The following RBFOX1 variants were observed in gnomAD, a reference collection of about 807,000 sequenced individuals.
RBFOX1 encodes the protein RNA binding protein fox-1 homolog 1.
RBFOX1 carries 8 observed loss-of-function variants against 57.7 expected under a neutral mutation model. The observed-to-expected ratio is 0.14, with a 90% CI of 0.08 to 0.25. The LOEUF (loss-of-function observed/expected upper bound fraction) is 0.25, where lower values mean the gene tolerates loss of function less well. Among genes scored for constraint, RBFOX1 ranks in the 10% least tolerant of loss-of-function variants. The probability of loss-of-function intolerance (pLI) is 1.00; values close to 1 mark genes in which losing one functional copy is unlikely to be tolerated. For missense variants in RBFOX1, 611 were observed against 548.5 expected, an observed-to-expected ratio of 1.11 and a Z score of -1.14; for synonymous variants, 326 against 222.4, an observed-to-expected ratio of 1.47 and a Z score of -4.15.
At chr16:7,175,448 C>T (rs1302832572) in intron 4 of RBFOX1, among the ~76,000 whole-genome samples, 1 of 152,172 alleles carries the variant, frequency 6.6e-6, no homozygotes, top group African/African-American at 2.4e-5. Flanking sequence ...AGCTCCTCCC[C>T]CTTTAACGTG....
At chr16:5,536,846 C>G (rs1350272761) in intron 2 of RBFOX1, among the ~76,000 whole-genome samples, 2 of 152,176 alleles carry the variant, frequency 1.3e-5, no homozygotes, top group South Asian at 2.1e-4. Context: ...GCAGGTGCAT[C>G]TGTACCTGTA....
intron 4 of RBFOX1, among the ~76,000 whole-genome samples, chr16:7,406,940 C>T (rs1482299492): frequency 2.0e-5 from 3 of 152,140 alleles, no homozygotes; most frequent in African/African-American, 4.8e-5. Context: ...GTAGCATTTT[C>T]AAATCTCTCT....
chr16:6,251,813 G>T (rs1320046036), intron 1 of RBFOX1, among the ~76,000 whole-genome samples: 1 of 152,012 alleles, frequency 6.6e-6, no homozygotes, highest in Non-Finnish European at 1.5e-5. Flanking sequence ...TCAAAGCCCT[G>T]CCTCTCCTTG....
At chr16:7,488,215 C>T (rs747571052) in intron 4 of RBFOX1, among the ~76,000 whole-genome samples, 4 of 152,160 alleles carry the variant, frequency 2.6e-5, no homozygotes, top group Non-Finnish European at 4.4e-5. Flanking sequence ...GCAGGAGGGG[C>T]TTCAGCTCCC....
upstream of RBFOX1, among the ~76,000 whole-genome samples, chr16:6,018,634 G>C (rs2095015520): frequency 6.6e-6 from 1 of 152,140 alleles, no homozygotes; most frequent in African/African-American, 2.4e-5. Context: ...TTTGAATCTT[G>C]GATAGGGCTC....
intron 3 of RBFOX1, among the ~76,000 whole-genome samples, chr16:5,613,552 T>A (rs971172130): frequency 2.0e-5 from 3 of 152,168 alleles, no homozygotes; most frequent in African/African-American, 7.2e-5. Context: ...AGTGAAATTT[T>A]CCTTTCTCAT....
At chr16:6,604,853 A>C (rs968795254) in intron 2 of RBFOX1, among the ~76,000 whole-genome samples, 9 of 152,246 alleles carry the variant, frequency 5.9e-5, no homozygotes, top group African/African-American at 1.9e-4. Flanking sequence ...AAAGTAAATG[A>C]GCTTGGGCCT....
At chr16:6,912,521 A>G (rs997354006) in intron 3 of RBFOX1, among the ~76,000 whole-genome samples, 4 of 152,040 alleles carry the variant, frequency 2.6e-5, no homozygotes, top group Non-Finnish European at 5.9e-5. Context: ...TAACTAAACT[A>G]AAGACCTTCT....
At chr16:6,216,786 C>G (rs957558739) in intron 1 of RBFOX1, among the ~76,000 whole-genome samples, 5 of 152,084 alleles carry the variant, frequency 3.3e-5, no homozygotes, top group African/African-American at 9.7e-5. Context: ...TCTTTTATTT[C>G]TCACGTATAT....
At chr16:6,785,835 A>G (rs1216744979) in intron 3 of RBFOX1, among the ~76,000 whole-genome samples, 2 of 152,216 alleles carry the variant, frequency 1.3e-5, no homozygotes, top group African/African-American at 2.4e-5. Context: ...ATACAGAGCT[A>G]GAATTAGACT....
chr16:6,894,702 C>T (rs1465827519), intron 3 of RBFOX1, among the ~76,000 whole-genome samples: 1 of 152,146 alleles, frequency 6.6e-6, no homozygotes, highest in Non-Finnish European at 1.5e-5. Context: ...CTAAAACATT[C>T]ATGAATTAAA....
At chr16:7,349,365 T>A (rs1327023176) in intron 4 of RBFOX1, among the ~76,000 whole-genome samples, 1 of 152,140 alleles carries the variant, frequency 6.6e-6, no homozygotes, top group Non-Finnish European at 1.5e-5. Context: ...CTTCGCTTTC[T>A]CTCTTAAAAA....
In RBFOX1 at chr16:5,597,395, C is replaced by CTTT. The variant is rs35058375; in HGVS notation, c.259-1489_259-1487dup. ...GTGACCCCAGGCCAAAGCTTGCTGACTTTTTTTTTTTTTTTTTTTTGAGTT... is the reference window on the plus strand; with the variant it reads ...GTGACCCCAGGCCAAAGCTTGCTGACTTTTTTTTTTTTTTTTTTTTTTTGAGTT... On this transcript the variant is annotated intron_variant, in intron 2 of 2. Coordinates refer to the RBFOX1 transcript ENST00000585867. Among the ~76,000 whole-genome samples the CTTT allele has an allele frequency of 3.3e-3, 376 of 114,334 alleles. 6 individuals are homozygous for CTTT. The highest frequency in any genetic ancestry group is 8.8e-3 in the African/African-American group (261 of 29,758). 75.0% of individuals were successfully genotyped at this position (114,334 alleles called of 152,430 possible).
At chr16:7,525,624 G>A (rs764014445) in intron 5 of RBFOX1, among the ~76,000 whole-genome samples, 30 of 152,214 alleles carry the variant, frequency 2.0e-4, no homozygotes, top group Admixed American at 3.9e-4. Context: ...GACTCTGTGT[G>A]TTTGGGTGTG....
chr16:6,038,498 C>G (rs536433786), intron 1 of RBFOX1: 1 of 146,758 alleles, frequency 6.8e-6, no homozygotes, highest in African/African-American at 2.5e-5. Flanking sequence ...TATATGTACA[C>G]TGTACCTCAA....
chr16:6,354,927 G>C (rs1051621848), intron 2 of RBFOX1, among the ~76,000 whole-genome samples: 1 of 152,128 alleles, frequency 6.6e-6, no homozygotes, highest in Admixed American at 6.5e-5. Flanking sequence ...CACATAAGGA[G>C]ACCCAAGTGC....
At chr16:6,796,148 T>C (rs1419561891) in intron 3 of RBFOX1, among the ~76,000 whole-genome samples, 1 of 152,078 alleles carries the variant, frequency 6.6e-6, no homozygotes. Flanking sequence ...ATGTCTCACA[T>C]GGTGGCGGAC....
chr16:5,732,598 G>A (rs2052419858), intron 3 of RBFOX1, among the ~76,000 whole-genome samples: 1 of 152,122 alleles, frequency 6.6e-6, no homozygotes, highest in South Asian at 2.1e-4. Context: ...GGCCTTTCTG[G>A]GTCTCCGTTT....
At chr16:7,227,625 C>T (rs904970107) in intron 4 of RBFOX1, among the ~76,000 whole-genome samples, 1 of 152,126 alleles carries the variant, frequency 6.6e-6, no homozygotes, top group African/African-American at 2.4e-5. Flanking sequence ...ATTCCAAGCC[C>T]AGTCATTGTA....
Sources: gnomAD v4.1 joint callset for allele counts (sites outside exome capture counted in the v4.1 genomes callset) on GRCh38, gnomAD v4.1.1 for gene constraint, MANE v1.5 for transcripts, NCBI Gene and HGNC (gene_info 2026-07-23, HGNC 2026-07-21) for gene names.